Variants in MUSK observed in about 807,000 individuals in gnomAD.
MUSK encodes the protein muscle associated receptor tyrosine kinase, also known as muscle, skeletal receptor tyrosine-protein kinase.
A neutral mutation model predicts 88.7 loss-of-function variants in MUSK; 55 were observed. The ratio of observed to expected loss-of-function variants is 0.62; its 90% CI spans 0.50 to 0.78. The LOEUF (loss-of-function observed/expected upper bound fraction) is 0.78, where lower values mean the gene tolerates loss of function less well. Among genes scored for constraint, MUSK ranks in the 30% least tolerant of loss-of-function variants. The pLI, the probability that MUSK is intolerant of heterozygous loss-of-function variation, is 0.00. For missense variants in MUSK, 1,015 were observed against 1,074.3 expected (o/e 0.94, Z 0.77); for synonymous variants, 387 against 391.9 (o/e 0.99, Z 0.15).
intron 5 of MUSK, among the ~76,000 whole-genome samples, chr9:110,720,112 G>A (rs959611452): frequency 2.0e-5 from 3 of 151,908 alleles, no homozygotes; most frequent in African/African-American, 7.2e-5. Flanking sequence ...GGTACTAAGA[G>A]GAAAATTCAT....
At position 110,785,519 on chromosome 9, in the gene MUSK, G is replaced by C. The variant is rs980952719; in HGVS notation, c.1587-8G>C. On this transcript the variant is annotated splice_polypyrimidine_tract_variant and splice_region_variant and intron_variant, in intron 12 of 14. Coordinates refer to ENST00000374448, the MANE Select transcript of MUSK (RefSeq NM_005592.4). ...GCTCATTCCTGATCTTGCCTGTCTTGCCTGCAGAGAATCAGCAGCAGTAAC... is the reference window on the plus strand; with the variant it reads ...GCTCATTCCTGATCTTGCCTGTCTTCCCTGCAGAGAATCAGCAGCAGTAAC... 6.3e-7 allele frequency: 1 copy of C among 1,590,934 alleles called. No homozygotes were observed. The highest frequency in any genetic ancestry group is 1.7e-5 in the Admixed American group (1 of 58,588).
In MUSK at chr9:110,768,019, T is replaced by C; in HGVS notation, c.1120T>C (p.Leu374=). ...CTGCCGGCCAGCTGCTGAGGCTTTG[T>C]TGTGTAACCACATCTTCCAGGAGTG... ...PVCRPAAEAL[L]CNHIFQECSP... is the part of the protein sequence containing the mutation. Residue 374 remains leucine, a synonymous_variant, in exon 9 of 15, where the codon TTG becomes CTG. Transcript: ENST00000374448. The C allele has an allele frequency of 1.2e-6, 2 of 1,614,028 alleles. No homozygotes were observed. Among genetic ancestry groups the C allele is most frequent in the South Asian group, 1.1e-5 (1 of 91,086 alleles).
rs1346771463 is a variant in MUSK, at chr9:110,692,228, T to G, written c.359-3175T>G. On this transcript the variant is annotated intron_variant, in intron 3 of 14. Coordinates refer to ENST00000374448, the MANE Select transcript of MUSK (RefSeq NM_005592.4). Reference sequence around the variant, plus strand: ...AGGCTGTAGTGCAGTTGTGTGACCATGGCTCACTGCAGCCTTGACTGCTTG... The same window carrying G: ...AGGCTGTAGTGCAGTTGTGTGACCAGGGCTCACTGCAGCCTTGACTGCTTG... 2.6e-5 allele frequency among the ~76,000 whole-genome samples: 4 copies of G among 152,268 alleles called. No individual in the cohort carries two copies. In the East Asian group the frequency reaches 7.7e-4, roughly 29 times the overall value.
chr9:110,680,500 C>T (rs1249804525), intron 1 of MUSK, among the ~76,000 whole-genome samples: 1 of 151,298 alleles, frequency 6.6e-6, no homozygotes, highest in Non-Finnish European at 1.5e-5. Flanking sequence ...TATAGTACTT[C>T]AGCCTCCCAC....
At chr9:110,703,909 G>T (rs1214258282) in intron 5 of MUSK, among the ~76,000 whole-genome samples, 2 of 152,116 alleles carry the variant, frequency 1.3e-5, no homozygotes, top group African/African-American at 4.8e-5. Context: ...TAAAAATGAA[G>T]AGCAGAGAAA....
intron 5 of MUSK, among the ~76,000 whole-genome samples, chr9:110,722,114 T>C (rs1004194773): frequency 2.6e-5 from 4 of 152,104 alleles, no homozygotes; most frequent in Non-Finnish European, 5.9e-5. Context: ...AGGACTTAAA[T>C]TGAAGACCTG....
At chr9:110,769,274 A>G (rs1439508698) in intron 9 of MUSK, among the ~76,000 whole-genome samples, 1 of 152,222 alleles carries the variant, frequency 6.6e-6, no homozygotes, top group Non-Finnish European at 1.5e-5. Flanking sequence ...TTAGCATTCA[A>G]TAACAACAGT....
intron 6 of MUSK, among the ~76,000 whole-genome samples, chr9:110,741,535 GA>G (rs375445606): frequency 1.3e-5 from 2 of 151,616 alleles, no homozygotes; most frequent in African/African-American, 2.4e-5. Flanking sequence ...TGTAAAACAG[GA>G]AAAAAAATGC....
At position 110,801,061 on chromosome 9, in the gene MUSK, G is replaced by C; in HGVS notation, c.*73G>C. On this transcript the variant is annotated 3_prime_UTR_variant, in exon 15 of 15. Transcript: ENST00000374448. Reference sequence around the variant, plus strand: ...TGAGCCAGGGGAATCCTACACCAGAGGCCCAACAAGACCCACATAGGAAAG... The same window carrying C: ...TGAGCCAGGGGAATCCTACACCAGACGCCCAACAAGACCCACATAGGAAAG... 2 of 1,299,106 alleles carry C rather than the reference G, an allele frequency of 1.5e-6. No individual in the cohort carries two copies. The highest frequency in any genetic ancestry group is 2.0e-6 in the Non-Finnish European group (2 of 978,016). The allele number at this position is 1,299,106 out of a possible 1,614,324, so 80.5% of individuals were successfully genotyped here.
At chr9:110,721,721 T>C (rs1223275205) in intron 5 of MUSK, among the ~76,000 whole-genome samples, 2 of 152,018 alleles carry the variant, frequency 1.3e-5, no homozygotes, top group Admixed American at 1.3e-4. Context: ...GATTACTCTT[T>C]ACAGAACTAG....
chr9:110,689,360 ATACATATTTAT>A (rs2131679137), intron 3 of MUSK, among the ~76,000 whole-genome samples: 1 of 118,436 alleles, frequency 8.4e-6, no homozygotes, highest in African/African-American at 3.5e-5. Context: ...ATATATATAA[ATACATATTTAT>A]ATATATGTAA....
rs1347525522 is a variant in MUSK, at chr9:110,670,498, C to CA, written c.79+1519dup. On this transcript the variant is annotated intron_variant, in intron 1 of 14. Coordinates refer to ENST00000374448, the MANE Select transcript of MUSK (RefSeq NM_005592.4). ...TTGTTGTACACACACACAAAACCCC[C>CA]AAAATCTCTCTATCTGAATAAGTCT... Among the ~76,000 whole-genome samples the CA allele has an allele frequency of 3.3e-5, 5 of 152,226 alleles. No homozygotes were observed. In the East Asian group the frequency reaches 9.7e-4, roughly 29 times the overall value.
At chr9:110,716,821 A>G (rs907213930) in intron 5 of MUSK, among the ~76,000 whole-genome samples, 1 of 150,136 alleles carries the variant, frequency 6.7e-6, no homozygotes, top group African/African-American at 2.5e-5. Flanking sequence ...ATACACATTA[A>G]TTATTGTTGT....
At chr9:110,699,415 A>C (rs1458495183) in intron 5 of MUSK, among the ~76,000 whole-genome samples, 1 of 152,170 alleles carries the variant, frequency 6.6e-6, no homozygotes, top group Admixed American at 6.5e-5. Context: ...TGCTTAGCAC[A>C]ATTGCTGGTA....
chr9:110,698,651 C>T (rs1339055508), intron 5 of MUSK, among the ~76,000 whole-genome samples: 1 of 152,042 alleles, frequency 6.6e-6, no homozygotes, highest in African/African-American at 2.4e-5. Flanking sequence ...TTTATTATGT[C>T]ATTGTACCAA....
At chr9:110,681,050 T>TAATATAATATATAATATAA (rs1335114069) in intron 1 of MUSK, among the ~76,000 whole-genome samples, 12 of 21,656 alleles carry the variant, frequency 5.5e-4, no homozygotes, top group Non-Finnish European at 7.8e-4. Flanking sequence ...ATAATATATA[T>TAATATAATATATAATATAA]TATATATTAT....
At chr9:110,689,471 G>A (rs1261599800) in intron 3 of MUSK, among the ~76,000 whole-genome samples, 1 of 101,582 alleles carries the variant, frequency 9.8e-6, no homozygotes, top group African/African-American at 4.5e-5. Context: ...TTATATATAT[G>A]TAAAAAATAT....
chr9:110,739,015 C>G (rs1315009280), intron 6 of MUSK, among the ~76,000 whole-genome samples: 1 of 152,064 alleles, frequency 6.6e-6, no homozygotes, highest in Admixed American at 6.6e-5. Context: ...TCTATAAAAC[C>G]TTTTTATTGA....
chr9:110,776,199 G>A (rs2077669346), intron 10 of MUSK, among the ~76,000 whole-genome samples: 1 of 151,870 alleles, frequency 6.6e-6, no homozygotes, highest in African/African-American at 2.4e-5. Flanking sequence ...TTTAATTACT[G>A]CTTGACATTT....
Sources: allele counts gnomAD v4.1 joint callset (sites outside exome capture counted in the v4.1 genomes callset), GRCh38; gene constraint gnomAD v4.1.1; transcripts MANE v1.5; gene names NCBI Gene and HGNC (gene_info 2026-07-23, HGNC 2026-07-21).